THSD1: variants seen among roughly 807,000 people sequenced by gnomAD.
THSD1 encodes the protein thrombospondin type 1 domain containing 1.
THSD1 carries 34 observed loss-of-function variants against 46.3 expected under a neutral mutation model. The observed-to-expected ratio is 0.74, with a 90% CI of 0.56 to 0.98. The LOEUF is 0.98. THSD1 is among the 50% of genes least tolerant of loss of function. The pLI is 0.00. For missense variants in THSD1, 1,023 were observed against 1,058.3 expected (o/e 0.97, Z 0.46); for synonymous variants, 407 against 416.5 (o/e 0.98, Z 0.28).
chr13:52,382,896 G>T (rs1016079504), intron 4 of THSD1, among the ~76,000 whole-genome samples: 2 of 152,046 alleles, frequency 1.3e-5, no homozygotes, highest in African/African-American at 4.8e-5. Flanking sequence ...CAGCTACTTG[G>T]GAGGCAGAGG....
At chr13:52,390,702 C>T (rs575325623) in intron 3 of THSD1, among the ~76,000 whole-genome samples, 5 of 152,154 alleles carry the variant, frequency 3.3e-5, no homozygotes, top group South Asian at 4.2e-4. Flanking sequence ...ACTGGAAATC[C>T]GACTACTGTA....
intron 1 of THSD1, 50 bp downstream of exon 1, chr13:52,405,981 G>A (rs1276354657): frequency 2.0e-5 from 3 of 152,282 alleles, no homozygotes; most frequent in Non-Finnish European, 4.4e-5. Flanking sequence ...GAGCCTCCAA[G>A]AGTCTCGCGG....
intron 3 of THSD1, among the ~76,000 whole-genome samples, chr13:52,392,790 T>C (rs1226423823): frequency 6.6e-6 from 1 of 152,152 alleles, no homozygotes; most frequent in Non-Finnish European, 1.5e-5. Flanking sequence ...GAAAATTCTA[T>C]AGACATAAGG....
chr13:52,392,801 G>A (rs1282800539), intron 3 of THSD1, among the ~76,000 whole-genome samples: 1 of 152,186 alleles, frequency 6.6e-6, no homozygotes, highest in Non-Finnish European at 1.5e-5. Flanking sequence ...AGACATAAGG[G>A]AGTAGCTATA....
intron 3 of THSD1, among the ~76,000 whole-genome samples, chr13:52,393,672 AAAAC>A (rs564536313): frequency 2.6e-5 from 4 of 152,178 alleles, no homozygotes; most frequent in East Asian, 3.8e-4. Flanking sequence ...ACAAAAAACA[AAAAC>A]AAACAAACAA....
Position 52,377,348 on chromosome 13 carries a change from A to G in THSD1, c.*63T>C, listed in dbSNP as rs1594093974. 6.9e-7 allele frequency: 1 copy of G among 1,459,554 alleles called. No homozygotes were observed. The highest frequency in any genetic ancestry group is 2.4e-5 in the East Asian group (1 of 41,472). The allele number at this position is 1,459,554 out of a possible 1,614,324, so 90.4% of individuals were successfully genotyped here. On this transcript the variant is annotated 3_prime_UTR_variant, in exon 5 of 5. Transcript: ENST00000258613. The stretch of plus-strand genomic sequence containing the variant: ...TCTGTCCTACGGTACAAATAGTTAC[A>G]CAAAAGTCTACAAAACGCGAGTAGC...
Position 52,377,353 on chromosome 13 carries a change from A to G in THSD1, c.*58T>C. 1 of 1,464,554 alleles carries G rather than the reference A, an allele frequency of 6.8e-7. No individual in the cohort carries two copies. The highest frequency in any genetic ancestry group is 9.1e-7 in the Non-Finnish European group (1 of 1,101,904). 90.7% of individuals were successfully genotyped at this position (1,464,554 alleles called of 1,614,324 possible). The stretch of plus-strand genomic sequence containing the variant: ...CCTACGGTACAAATAGTTACACAAA[A>G]GTCTACAAAACGCGAGTAGCAGACC... On this transcript the variant is annotated 3_prime_UTR_variant, in exon 5 of 5. Transcript: ENST00000258613.
At chr13:52,388,995 C>T (rs1230690989) in intron 3 of THSD1, among the ~76,000 whole-genome samples, 3 of 150,802 alleles carry the variant, frequency 2.0e-5, no homozygotes, top group African/African-American at 7.3e-5. Context: ...AGATCTTGCT[C>T]TGTCGCCCAG....
chr13:52,395,876 G>A (rs998460252), intron 3 of THSD1, among the ~76,000 whole-genome samples: 11 of 152,156 alleles, frequency 7.2e-5, no homozygotes, highest in South Asian at 2.1e-4. Context: ...ATCCACCCAC[G>A]GTGGCATCAG....
intron 4 of THSD1, among the ~76,000 whole-genome samples, chr13:52,381,414 A>G (rs141585738): frequency 7.2e-5 from 11 of 152,154 alleles, no homozygotes; most frequent in Non-Finnish European, 1.0e-4. Context: ...AAATCCTTCC[A>G]TGGGTCCCCT....
Position 52,377,863 on chromosome 13 carries a change from GGGCACC to G in THSD1, c.2101_2106del (p.Gly701_Ala702del). The G allele has an allele frequency of 6.2e-7, 1 of 1,614,198 alleles. No homozygotes were observed. Among genetic ancestry groups the G allele is most frequent in the South Asian group, 1.1e-5 (1 of 91,080 alleles). On this transcript the variant is annotated inframe_deletion, in exon 5 of 5. Coordinates refer to ENST00000258613, the MANE Select transcript of THSD1 (RefSeq NM_018676.4). ...TGCTCCAGTTTTTCAGGAAACAGGT[GGGCACC>G]TCGACTCTGAGGCCTAAATCTGTCC...
At chr13:52,388,586 T>A (rs1350472692) in intron 3 of THSD1, among the ~76,000 whole-genome samples, 1 of 152,076 alleles carries the variant, frequency 6.6e-6, no homozygotes, top group African/African-American at 2.4e-5. Flanking sequence ...TTCAAGCGAT[T>A]CTCCTACCTC....
rs1316857411 is a variant in THSD1 at position 52,378,437 on chromosome 13, A to G, written c.1533T>C (p.Ser511=). 6.2e-7 allele frequency: 1 copy of G among 1,614,050 alleles called. No individual in the cohort carries two copies. The highest frequency in any genetic ancestry group is 1.3e-5 in the African/African-American group (1 of 74,940). The change falls in exon 5 of 5, where the codon TCT becomes TCC. Residue 511 remains serine, a synonymous_variant. Transcript: ENST00000258613. ...CGTTGGACTGGAAGCTCTCGCTGCC[A>G]GAGGCATCATCCTCGGGAGGTACCG... is the stretch of plus-strand genomic sequence containing the variant. ...SGPVPPEDDA[S]GSESFQSNAQ... is the part of the protein sequence containing the mutation.
intron 4 of THSD1, among the ~76,000 whole-genome samples, chr13:52,381,380 C>T (rs763551512): frequency 2.0e-5 from 3 of 152,190 alleles, no homozygotes; most frequent in Non-Finnish European, 4.4e-5. Context: ...TGCGCAGTCA[C>T]AGCACCCAAC....
intron 4 of THSD1, among the ~76,000 whole-genome samples, chr13:52,379,540 C>T (rs970743420): frequency 1.3e-5 from 2 of 151,950 alleles, no homozygotes; most frequent in East Asian, 3.9e-4. Context: ...GGCACGATCT[C>T]GGCTCACTGC....
chr13:52,401,590 C>A (rs903096763), intron 2 of THSD1, among the ~76,000 whole-genome samples: 1 of 152,304 alleles, frequency 6.6e-6, no homozygotes, highest in Middle Eastern at 3.4e-3. Flanking sequence ...TGAGCCACCG[C>A]GCCCGGCCAA....
chr13:52,397,176 A>C, intron 3 of THSD1, 56 bp downstream of exon 3: 1 of 1,427,356 alleles, frequency 7.0e-7, no homozygotes, highest in East Asian at 2.3e-5. Flanking sequence ...AATTCTAAAT[A>C]ATTTTGATTA....
At position 52,391,690 on chromosome 13, in the gene THSD1, C is replaced by T. The variant is rs936242061; in HGVS notation, c.1022-5504G>A. Among the ~76,000 whole-genome samples the T allele has an allele frequency of 4.6e-5, 7 of 151,720 alleles. No homozygotes were observed. In the South Asian group the frequency reaches 8.3e-4, roughly 18 times the overall value. The stretch of plus-strand genomic sequence containing the variant: ...TCCTGAGTAGCTGGGACTACAGGCA[C>T]GTGCCACCATGCCCGGCTAATTTTT... On this transcript the variant is annotated intron_variant, in intron 3 of 4. Transcript: ENST00000258613.
intron 3 of THSD1, among the ~76,000 whole-genome samples, chr13:52,389,364 A>C (rs1957756712): frequency 6.6e-6 from 1 of 152,214 alleles, no homozygotes; most frequent in Non-Finnish European, 1.5e-5. Flanking sequence ...AAAAAAGATG[A>C]AAAAACAGAA....
Sources: allele counts gnomAD v4.1 joint callset (sites outside exome capture counted in the v4.1 genomes callset), GRCh38; gene constraint gnomAD v4.1.1; transcripts MANE v1.5; gene names NCBI Gene and HGNC (gene_info 2026-07-23, HGNC 2026-07-21).